Variants in CERT1 observed in about 807,000 individuals in gnomAD.
CERT1 encodes the protein ceramide transfer protein.
Under a neutral mutation model 87.9 loss-of-function variants are expected in CERT1, and 31 were observed. The ratio of observed to expected loss-of-function variants is 0.35; its 90% confidence interval spans 0.27 to 0.48. The LOEUF (loss-of-function observed/expected upper bound fraction) is 0.48, where lower values mean the gene tolerates loss of function less well. CERT1 is among the 20% of genes least tolerant of loss of function. The probability of loss-of-function intolerance (pLI) is 0.99; values close to 1 mark genes in which losing one functional copy is unlikely to be tolerated. For synonymous variants in CERT1, 289 were observed against 250.9 expected, an observed-to-expected ratio of 1.15 and a Z score of -1.44; for missense variants, 487 against 758.0, an observed-to-expected ratio of 0.64 and a Z score of 4.20.
At chr5:75,503,391 C>A (rs951083264) in intron 2 of CERT1, among the ~76,000 whole-genome samples, 1 of 151,914 alleles carries the variant, frequency 6.6e-6, no homozygotes, top group South Asian at 2.1e-4. Flanking sequence ...AAAAAAAATA[C>A]CAAGAGATGC....
rs1761448492 is a variant in CERT1 at position 75,379,129 on chromosome 5, C to T, written c.*217G>A. 6.6e-6 allele frequency: 3 copies of T among 455,696 alleles called. No homozygotes were observed. The highest frequency in any genetic ancestry group is 3.1e-5 in the South Asian group (1 of 31,774). The allele number at this position is 455,696 out of a possible 1,614,324, so 28.2% of individuals were successfully genotyped here. A position where few individuals can be genotyped will look rare whatever the true frequency, so the allele number is the denominator to read the frequency against. On this transcript the variant is annotated 3_prime_UTR_variant, in exon 17 of 17. Coordinates refer to ENST00000643780, the MANE Select transcript of CERT1 (RefSeq NM_001379029.1). Reference sequence around the variant, plus strand: ...GGCCAGAGGTTGAGGTTGCAGTGAGCCGTGATGGTGTCATTGCACTTCAGC... The same window carrying T: ...GGCCAGAGGTTGAGGTTGCAGTGAGTCGTGATGGTGTCATTGCACTTCAGC...
At chr5:75,406,561 G>C (rs1014820746) in intron 8 of CERT1, among the ~76,000 whole-genome samples, 12 of 142,540 alleles carry the variant, frequency 8.4e-5, no homozygotes, top group African/African-American at 3.2e-4. Flanking sequence ...TTTTTTTTGA[G>C]ATGGAGTCTC....
At chr5:75,398,377 A>C (rs1762340518) in intron 11 of CERT1, among the ~76,000 whole-genome samples, 1 of 152,194 alleles carries the variant, frequency 6.6e-6, no homozygotes. Context: ...ACAAGGTAAC[A>C]TTTATTGAGC....
intron 2 of CERT1, among the ~76,000 whole-genome samples, chr5:75,462,676 T>A (rs1184451393): frequency 6.6e-6 from 1 of 151,788 alleles, no homozygotes; most frequent in East Asian, 1.9e-4. Flanking sequence ...AAAACAGAGT[T>A]AAAAACGTGG....
chr5:75,431,965 G>A (rs938644108), intron 3 of CERT1, among the ~76,000 whole-genome samples: 1 of 151,782 alleles, frequency 6.6e-6, no homozygotes, highest in Non-Finnish European at 1.5e-5. Context: ...TGGTAGTTCT[G>A]TTTTAAGTTG....
intron 11 of CERT1, among the ~76,000 whole-genome samples, chr5:75,395,723 G>C (rs980187473): frequency 1.3e-5 from 2 of 151,988 alleles, no homozygotes; most frequent in Non-Finnish European, 2.9e-5. Context: ...TTAGCTGGGT[G>C]TGATAGCGTG....
intron 1 of CERT1, among the ~76,000 whole-genome samples, chr5:75,510,520 T>C (rs1305490972): frequency 6.6e-6 from 1 of 152,208 alleles, no homozygotes; most frequent in Non-Finnish European, 1.5e-5. Flanking sequence ...ACTATGAATA[T>C]TTCCTGTACC....
At chr5:75,390,143 A>C (rs1237048189) in intron 11 of CERT1, among the ~76,000 whole-genome samples, 3 of 152,172 alleles carry the variant, frequency 2.0e-5, no homozygotes, top group African/African-American at 7.2e-5. Flanking sequence ...ATAGAGAGAG[A>C]GAGCATATCT....
At chr5:75,416,306 G>C (rs1763132523) in intron 7 of CERT1, among the ~76,000 whole-genome samples, 2 of 152,056 alleles carry the variant, frequency 1.3e-5, no homozygotes, top group African/African-American at 4.8e-5. Context: ...ATTATAAATA[G>C]AAGTTTTCCT....
Position 75,506,027 on chromosome 5 carries a change from C to T in CERT1, c.186G>A (p.Glu62=), listed in dbSNP as rs778736849. The T allele has an allele frequency of 2.4e-5, 39 of 1,613,728 alleles. No homozygotes were observed. The South Asian group carries it at 4.0e-4, about 16-fold the overall frequency. The change falls in exon 2 of 17, where the codon GAG becomes GAA. Residue 62 remains glutamate, a synonymous_variant. Transcript: ENST00000643780. The part of the protein sequence containing the change: ...LSYYKSEDET[E]YGCRGSICLS... ...GACAGATGGATCCTCTGCAGCCATA[C>T]TCTGTTTCATCTTCAGATTTGTAGT...
chr5:75,478,550 G>C (rs2112381083), intron 2 of CERT1, among the ~76,000 whole-genome samples: 1 of 152,160 alleles, frequency 6.6e-6, no homozygotes, highest in South Asian at 2.1e-4. Flanking sequence ...AGATTCCTCT[G>C]AAGCTATAAA....
chr5:75,505,809 G>T, intron 2 of CERT1, 173 bp downstream of exon 2: 1 of 455,138 alleles, frequency 2.2e-6, no homozygotes, highest in Non-Finnish European at 3.8e-6. Context: ...ATAACAATAT[G>T]TAGTAAAAAC....
At chr5:75,487,690 C>CTG (rs1295806136) in intron 2 of CERT1, among the ~76,000 whole-genome samples, 1 of 151,900 alleles carries the variant, frequency 6.6e-6, no homozygotes, top group Non-Finnish European at 1.5e-5. Flanking sequence ...ACTCAAAAGA[C>CTG]AACATACACT....
At chr5:75,432,765 C>A (rs1001705643) in intron 3 of CERT1, among the ~76,000 whole-genome samples, 7 of 152,238 alleles carry the variant, frequency 4.6e-5, no homozygotes, top group African/African-American at 1.7e-4. Context: ...TTCATGAAAT[C>A]TTCACCAAGG....
At chr5:75,408,050 C>A (rs902664581) in intron 8 of CERT1, among the ~76,000 whole-genome samples, 1 of 152,028 alleles carries the variant, frequency 6.6e-6, no homozygotes, top group Non-Finnish European at 1.5e-5. Context: ...TTGAACAACT[C>A]CTTGTTTCTT....
At chr5:75,419,481 T>C (rs904616091) in intron 5 of CERT1, 57 bp from the exon 6 acceptor site, 4 of 1,165,772 alleles carry the variant, frequency 3.4e-6, no homozygotes, top group Admixed American at 1.9e-5. Flanking sequence ...TTAATGTCTA[T>C]TCTTATGTTC....
chr5:75,504,586 ATATC>A (rs1343074269), intron 2 of CERT1, among the ~76,000 whole-genome samples: 4 of 152,238 alleles, frequency 2.6e-5, no homozygotes, highest in Non-Finnish European at 5.9e-5. Context: ...TATTATATAT[ATATC>A]TTTCACTTTT....
intron 2 of CERT1, among the ~76,000 whole-genome samples, chr5:75,466,792 G>A (rs1299188866): frequency 2.0e-5 from 3 of 152,174 alleles, no homozygotes; most frequent in Non-Finnish European, 4.4e-5. Context: ...TCTCTTTGTT[G>A]CTGTAGTCTA....
chr5:75,402,546 C>T (rs1762535359), intron 9 of CERT1: 1 of 154,786 alleles, frequency 6.5e-6, no homozygotes, highest in South Asian at 2.0e-4. Flanking sequence ...TGTAATCAAT[C>T]CCAGCACTTT....
Sources: allele counts gnomAD v4.1 joint callset (sites outside exome capture counted in the v4.1 genomes callset), GRCh38; gene constraint gnomAD v4.1.1; transcripts MANE v1.5; gene names NCBI Gene and HGNC (gene_info 2026-07-23, HGNC 2026-07-21).